SORCS1: variants seen among roughly 807,000 people sequenced by gnomAD.
SORCS1 encodes sortilin related VPS10 domain containing receptor 1.
Under a neutral mutation model 146.1 loss-of-function variants are expected in SORCS1, and 60 were observed. That is an observed-to-expected ratio of 0.41 (90% CI 0.33 to 0.51). The LOEUF (loss-of-function observed/expected upper bound fraction) is 0.51, where lower values mean the gene tolerates loss of function less well. Among genes scored for constraint, SORCS1 ranks in the 20% least tolerant of loss-of-function variants. The pLI is 0.21. For synonymous variants in SORCS1, 637 were observed against 584.0 expected, an observed-to-expected ratio of 1.09 and a Z score of -1.31; for missense variants, 1,352 against 1,487.6, an observed-to-expected ratio of 0.91 and a Z score of 1.50.
intron 1 of SORCS1, among the ~76,000 whole-genome samples, chr10:107,108,231 G>A (rs376735255): frequency 6.6e-6 from 1 of 152,214 alleles, no homozygotes; most frequent in Non-Finnish European, 1.5e-5. Context: ...ATCCTTGCAT[G>A]TACTGGGCTG....
intron 2 of SORCS1, among the ~76,000 whole-genome samples, chr10:106,901,968 C>G (rs935517252): frequency 6.6e-6 from 1 of 151,794 alleles, no homozygotes; most frequent in Non-Finnish European, 1.5e-5. Flanking sequence ...GGCATGACCC[C>G]AGGAGGTAGA....
At chr10:107,074,602 G>T (rs1177885443) in intron 1 of SORCS1, among the ~76,000 whole-genome samples, 1 of 152,090 alleles carries the variant, frequency 6.6e-6, no homozygotes, top group Non-Finnish European at 1.5e-5. Context: ...AGTATGATTC[G>T]TTTGTGAGAA....
chr10:106,703,138 C>T (rs571747786), intron 8 of SORCS1, among the ~76,000 whole-genome samples: 1 of 149,336 alleles, frequency 6.7e-6, no homozygotes, highest in East Asian at 2.0e-4. Flanking sequence ...CTAAGTAACA[C>T]ATATGAGAAA....
intron 19 of SORCS1, among the ~76,000 whole-genome samples, chr10:106,622,109 G>A (rs1184012121): frequency 6.6e-6 from 1 of 151,892 alleles, no homozygotes; most frequent in Non-Finnish European, 1.5e-5. Context: ...GGCCAACATG[G>A]TGAAACCCCA....
intron 9 of SORCS1, among the ~76,000 whole-genome samples, chr10:106,693,599 A>C (rs1301176332): frequency 6.6e-6 from 1 of 152,238 alleles, no homozygotes; most frequent in Non-Finnish European, 1.5e-5. Flanking sequence ...AATATGTAGA[A>C]GATCTCAACA....
chr10:106,618,112 T>A, intron 21 of SORCS1, 37 bp downstream of exon 21: 1 of 1,612,478 alleles, frequency 6.2e-7, no homozygotes, highest in East Asian at 2.2e-5. Context: ...CCTCTGAGCA[T>A]GAAGACAGCA....
chr10:106,611,519 C>T (rs577667264), intron 22 of SORCS1, among the ~76,000 whole-genome samples: 163 of 152,274 alleles, frequency 1.1e-3, no homozygotes, highest in African/African-American at 2.9e-3. Context: ...TGTAGTCAGC[C>T]GAGGACACTT....
chr10:106,853,912 A>G (rs1378669867), intron 2 of SORCS1, among the ~76,000 whole-genome samples: 1 of 152,054 alleles, frequency 6.6e-6, no homozygotes, highest in Non-Finnish European at 1.5e-5. Flanking sequence ...GATCTTGAGA[A>G]GAATGTGTAA....
intron 19 of SORCS1, among the ~76,000 whole-genome samples, chr10:106,620,921 G>C (rs1322005): frequency 0.26 from 39,380 of 152,120 alleles, 6,243 homozygotes; most frequent in East Asian, 0.52. Context: ...GTGAACCAGA[G>C]TCATGAAGAC....
chr10:106,872,402 G>A (rs1329924637), intron 2 of SORCS1, among the ~76,000 whole-genome samples: 2 of 152,212 alleles, frequency 1.3e-5, no homozygotes. Flanking sequence ...GAGAGCTGTA[G>A]CAAAGATGAT....
At chr10:106,688,100 G>T in intron 10 of SORCS1, 92 bp downstream of exon 10, 1 of 1,502,980 alleles carries the variant, frequency 6.7e-7, no homozygotes, top group Non-Finnish European at 8.9e-7. Context: ...CATCAACTGA[G>T]CAAAAGTCCC....
chr10:106,979,388 GATT>G, intron 1 of SORCS1, among the ~76,000 whole-genome samples: 1 of 152,204 alleles, frequency 6.6e-6, no homozygotes, highest in Non-Finnish European at 1.5e-5. Context: ...GGGATTTAGA[GATT>G]ATTTAGTTCA....
Position 106,652,244 on chromosome 10 carries a change from G to T in SORCS1, c.2475+138C>A, listed in dbSNP as rs900462729. 3.1e-5 allele frequency: 25 copies of T among 806,398 alleles called. No individual in the cohort carries two copies. The African/African-American group carries it at 4.0e-4, about 13-fold the overall frequency. The allele number at this position is 806,398 out of a possible 1,614,324, so 50.0% of individuals were successfully genotyped here. ...TGAAGTGATAATAAAAGAAAAACAA[G>T]GAACTAAAAGTAAAATAAAAATTTT... On this transcript the variant is annotated intron_variant, in intron 18 of 25. Coordinates refer to ENST00000263054, the MANE Select transcript of SORCS1 (RefSeq NM_052918.5).
chr10:106,924,996 A>G (rs960572264), intron 2 of SORCS1, among the ~76,000 whole-genome samples: 1 of 152,114 alleles, frequency 6.6e-6, no homozygotes, highest in African/African-American at 2.4e-5. Flanking sequence ...CATACTTTCT[A>G]AACCATATTT....
chr10:106,725,356 C>T (rs1427026629), intron 6 of SORCS1, among the ~76,000 whole-genome samples: 1 of 151,698 alleles, frequency 6.6e-6, no homozygotes, highest in African/African-American at 2.4e-5. Flanking sequence ...TCCATACCAG[C>T]TCGGCCAACA....
At chr10:107,048,575 A>G (rs1959744481) in intron 1 of SORCS1, among the ~76,000 whole-genome samples, 1 of 152,210 alleles carries the variant, frequency 6.6e-6, no homozygotes, top group Non-Finnish European at 1.5e-5. Context: ...TGAATTATTT[A>G]ATAATATCTA....
chr10:106,983,997 G>C (rs79518445), intron 1 of SORCS1, among the ~76,000 whole-genome samples: 33,844 of 152,104 alleles, frequency 0.22, 4,574 homozygotes, highest in Middle Eastern at 0.33. Context: ...ATATTTTAAA[G>C]AAAAGCCAGT....
chr10:106,604,320 A>G (rs1846431367), intron 23 of SORCS1, among the ~76,000 whole-genome samples: 1 of 152,194 alleles, frequency 6.6e-6, no homozygotes, highest in African/African-American at 2.4e-5. Flanking sequence ...AGAGCAGAGA[A>G]TGAAAGGACC....
In SORCS1 at chr10:106,579,654, AC is replaced by A. The variant is rs1378723766; in HGVS notation, c.3266-181del. ...TGCATCTGAGCCCACCCCTACTCCC[AC>A]CCCAAATGTTCCTGCTCTGCAGCAG... On this transcript the variant is annotated intron_variant, in intron 24 of 25. Transcript: ENST00000263054. Among the ~76,000 whole-genome samples the A allele has an allele frequency of 2.7e-5, 4 of 147,126 alleles. No individual in the cohort carries two copies. The East Asian group carries it at 8.5e-4, about 31-fold the overall frequency.
Sources: gnomAD v4.1 joint callset for allele counts (sites outside exome capture counted in the v4.1 genomes callset) on GRCh38, gnomAD v4.1.1 for gene constraint, MANE v1.5 for transcripts, NCBI Gene and HGNC (gene_info 2026-07-23, HGNC 2026-07-21) for gene names.